The following P2RY10 variants were observed in gnomAD, a reference collection of about 807,000 sequenced individuals.
P2RY10 encodes the protein P2Y receptor family member 10, also known as putative P2Y purinoceptor 10.
P2RY10 carries 4 observed loss-of-function variants against 12.1 expected under a neutral mutation model. That is an observed-to-expected ratio of 0.33 (90% CI 0.16 to 0.76). The LOEUF is 0.76. Ranked by LOEUF, P2RY10 falls within the 30% of genes least tolerant of loss-of-function variation. The pLI, the probability that P2RY10 is intolerant of heterozygous loss-of-function variation, is 0.61. For missense variants in P2RY10, 233 were observed against 264.6 expected (o/e 0.88, Z 0.83); for synonymous variants, 112 against 94.1 (o/e 1.19, Z -1.10).
chrX:78,952,804 G>A (rs1273351582), intron 3 of P2RY10, among the ~76,000 whole-genome samples: 1 of 111,873 alleles, frequency 8.9e-6, no homozygotes, highest in Non-Finnish European at 1.9e-5. Context: ...AAGGACAATA[G>A]ATGAAGTTGA....
At chrX:78,957,827 C>T (rs1203430327) in intron 3 of P2RY10, among the ~76,000 whole-genome samples, 1 of 112,359 alleles carries the variant, frequency 8.9e-6, no homozygotes, top group African/African-American at 3.2e-5. Flanking sequence ...GCTTGCTGTT[C>T]TGGCATAATT....
chrX:78,962,237 G>A lies in P2RY10; in HGVS notation c.*697G>A, dbSNP rs992174611. Among the ~76,000 whole-genome samples, 8 of 110,375 alleles carry A rather than the reference G, an allele frequency of 7.2e-5. No homozygotes were observed. Among genetic ancestry groups the A allele is most frequent in the Non-Finnish European group, 1.3e-4 (7 of 52,896 alleles). ...TGAGATTTTGGTGCAGCCATCACCC[G>A]AGCAGTATACACTGCACCACATTTG... On this transcript the variant is annotated 3_prime_UTR_variant, in exon 4 of 4. Coordinates refer to ENST00000171757, the MANE Select transcript of P2RY10 (RefSeq NM_014499.4).
chrX:78,953,978 C>A lies in P2RY10; in HGVS notation c.-14+1643C>A, dbSNP rs754092982. ...CTCCCCGGCTCAAGCGATCCTCCCA[C>A]CTCAGCCTCCTGAGTGGCTGGGACC... On this transcript the variant is annotated intron_variant, in intron 3 of 3. Coordinates refer to ENST00000171757, the MANE Select transcript of P2RY10 (RefSeq NM_014499.4). Among the ~76,000 whole-genome samples, 5 of 112,273 alleles carry A rather than the reference C, an allele frequency of 4.5e-5. No individual in the cohort carries two copies. The South Asian group carries it at 1.1e-3, about 25-fold the overall frequency.
At chrX:78,959,488 T>C (rs1292058694) in intron 3 of P2RY10, among the ~76,000 whole-genome samples, 3 of 111,783 alleles carry the variant, frequency 2.7e-5, no homozygotes, top group Non-Finnish European at 5.6e-5. Flanking sequence ...TAAAGATTAC[T>C]CTACTCTCTC....
At chrX:78,959,561 CA>C (rs1569245310) in intron 3 of P2RY10, among the ~76,000 whole-genome samples, 1 of 111,165 alleles carries the variant, frequency 9.0e-6, no homozygotes. Flanking sequence ...TAAGGAAGTC[CA>C]AAAAAGAAGG....
chrX:78,949,161 G>A (rs757108591), intron 2 of P2RY10, among the ~76,000 whole-genome samples: 1 of 110,272 alleles, frequency 9.1e-6, no homozygotes, highest in South Asian at 3.8e-4. Context: ...GCATTTTTTC[G>A]TGTTTGTTGG....
chrX:78,951,391 T>C (rs1354292565), intron 2 of P2RY10, among the ~76,000 whole-genome samples: 1 of 111,850 alleles, frequency 8.9e-6, no homozygotes, highest in Non-Finnish European at 1.9e-5. Flanking sequence ...TTTTCTTCAG[T>C]AGCAGAAAGG....
At position 78,961,513 on chromosome X, in the gene P2RY10, G is replaced by A. The variant is rs757503365; in HGVS notation, c.993G>A (p.Lys331=). The A allele has an allele frequency of 5.0e-6, 6 of 1,201,545 alleles. No individual in the cohort carries two copies. The highest frequency in any genetic ancestry group is 3.4e-6 in the Non-Finnish European group (3 of 888,979). The change falls in exon 4 of 4, where the codon AAG becomes AAA. Residue 331 remains lysine (K), a synonymous_variant. Coordinates refer to ENST00000171757, the MANE Select transcript of P2RY10 (RefSeq NM_014499.4). ...SSVTRSRLMS[K]ESGSSMIG ...TGACCCGCTCCCGCCTCATGAGCAA[G>A]GAGAGTGGTTCATCAATGATTGGCT...
chrX:78,946,770 G>A (rs942058004), intron 1 of P2RY10, among the ~76,000 whole-genome samples: 1 of 112,458 alleles, frequency 8.9e-6, no homozygotes, highest in African/African-American at 3.2e-5. Flanking sequence ...GTTGAACACA[G>A]ATTCTTTGGC....
At chrX:78,949,648 T>C (rs1414507421) in intron 2 of P2RY10, among the ~76,000 whole-genome samples, 1 of 112,398 alleles carries the variant, frequency 8.9e-6, no homozygotes, top group East Asian at 2.8e-4. Flanking sequence ...AACTTTAAGT[T>C]GTTGTTTTGT....
intron 3 of P2RY10, among the ~76,000 whole-genome samples, chrX:78,959,845 A>C (rs189455100): frequency 3.6e-5 from 4 of 112,142 alleles, no homozygotes. Context: ...AAATTCATGT[A>C]TTATTAAAGC....
chrX:78,960,993 T>C lies in P2RY10; in HGVS notation c.473T>C (p.Ile158Thr). Reference protein sequence around the residue: ...YDVGISAAIWIVVGTACLPFP... With the variant: ...YDVGISAAIWTVVGTACLPFP... ...GTGGGCATCAGTGCTGCCATCTGGA[T>C]CGTTGTGGGGACTGCCTGTTTGCCA... The change falls in exon 4 of 4, where the codon ATC (isoleucine) becomes ACC (threonine). Residue 158 changes from isoleucine (I) to threonine (T), a missense_variant. Transcript: ENST00000171757. The C allele has an allele frequency of 2.5e-6, 3 of 1,211,650 alleles. No individual in the cohort carries two copies. The highest frequency in any genetic ancestry group is 3.4e-6 in the Non-Finnish European group (3 of 895,349).
chrX:78,959,734 C>T (rs1922514369), intron 3 of P2RY10, among the ~76,000 whole-genome samples: 1 of 111,786 alleles, frequency 8.9e-6, no homozygotes, highest in African/African-American at 3.3e-5. Context: ...GATAATATGC[C>T]ATGTGAATGT....
At position 78,961,517 on chromosome X, in the gene P2RY10, A is replaced by G. The variant is rs1418697280; in HGVS notation, c.997A>G (p.Ser333Gly). ...VTRSRLMSKE[S>G]GSSMIG ...CCGCTCCCGCCTCATGAGCAAGGAG[A>G]GTGGTTCATCAATGATTGGCTAAAA... Residue 333 changes from serine to glycine, a missense_variant, in exon 4 of 4, where the codon AGT (serine) becomes GGT (glycine). Coordinates refer to ENST00000171757, the MANE Select transcript of P2RY10 (RefSeq NM_014499.4). 1 of 1,200,137 alleles carries G rather than the reference A, an allele frequency of 8.3e-7. No homozygotes were observed. Among genetic ancestry groups the G allele is most frequent in the African/African-American group, 1.7e-5 (1 of 57,428 alleles).
intron 2 of P2RY10, among the ~76,000 whole-genome samples, chrX:78,948,277 A>G (rs2742206): frequency 0.4 from 44,178 of 110,706 alleles, 6,865 homozygotes; most frequent in Non-Finnish European, 0.49. Flanking sequence ...ACTGCTCTAG[A>G]TATTCTAGTC....
rs1392896976 is a variant in P2RY10, at chrX:78,962,605, A to G, written c.*1065A>G. 8.9e-6 allele frequency among the ~76,000 whole-genome samples: 1 copy of G among 112,058 alleles called. No homozygotes were observed. The highest frequency in any genetic ancestry group is 1.9e-5 in the Non-Finnish European group (1 of 53,235). On this transcript the variant is annotated 3_prime_UTR_variant, in exon 4 of 4. Coordinates refer to ENST00000171757, the MANE Select transcript of P2RY10 (RefSeq NM_014499.4). ...AAAACCTGTGGGTTGTGGGTTTGGC[A>G]TGTCAAGCTTCAGACCACAAGGTCT...
chrX:78,952,164 G>T, intron 2 of P2RY10, 29 bp from the exon 3 acceptor site: 12 of 728,575 alleles, frequency 1.6e-5, no homozygotes, highest in Non-Finnish European at 1.9e-5. Context: ...TTCAGAGATG[G>T]TGGCTGATTT....
intron 1 of P2RY10, among the ~76,000 whole-genome samples, chrX:78,947,288 A>G (rs1921887578): frequency 1.8e-5 from 2 of 112,116 alleles, no homozygotes; most frequent in South Asian, 7.6e-4. Context: ...CAAAGAGAAC[A>G]AAGCTGTTTA....
At position 78,962,927 on chromosome X, in the gene P2RY10, G is replaced by C. The variant is rs774047057; in HGVS notation, c.*1387G>C. ...AACTTTTAAGAAGATTTCTGTGAGC[G>C]TAATTGACAATATCTGCATTAGAAA... On this transcript the variant is annotated 3_prime_UTR_variant, in exon 4 of 4. Coordinates refer to ENST00000171757, the MANE Select transcript of P2RY10 (RefSeq NM_014499.4). Among the ~76,000 whole-genome samples, 7 of 112,112 alleles carry C rather than the reference G, an allele frequency of 6.2e-5. No individual in the cohort carries two copies. Among genetic ancestry groups the C allele is most frequent in the African/African-American group, 2.3e-4 (7 of 30,975 alleles).
Sources: gnomAD v4.1 joint callset for allele counts (sites outside exome capture counted in the v4.1 genomes callset) on GRCh38, gnomAD v4.1.1 for gene constraint, MANE v1.5 for transcripts, NCBI Gene and HGNC (gene_info 2026-07-23, HGNC 2026-07-21) for gene names.